Variants in DMD observed in about 807,000 individuals in gnomAD.
DMD encodes the protein mutant dystrophin.
In DMD, 63 loss-of-function variants were observed where a neutral mutation model predicts 330.1. The observed-to-expected ratio is 0.19, with a 90% CI of 0.16 to 0.24. The LOEUF (loss-of-function observed/expected upper bound fraction) is 0.24. Among genes scored for constraint, DMD ranks in the 10% least tolerant of loss-of-function variants. The probability of loss-of-function intolerance (pLI) is 1.00; values close to 1 mark genes in which losing one functional copy is unlikely to be tolerated. For missense variants in DMD, 3,344 were observed against 2,684.1 expected, an observed-to-expected ratio of 1.25 and a Z score of -5.43; for synonymous variants, 1,223 against 959.8, an observed-to-expected ratio of 1.27 and a Z score of -5.07.
At chrX:32,943,925 G>C (rs2090607678) in intron 2 of DMD, among the ~76,000 whole-genome samples, 1 of 111,562 alleles carries the variant, frequency 9.0e-6, no homozygotes, top group African/African-American at 3.3e-5. Flanking sequence ...TACATGCATA[G>C]ATTGTGTAGT....
At chrX:32,452,078 T>C (rs1481191754) in intron 26 of DMD, among the ~76,000 whole-genome samples, 2 of 108,593 alleles carry the variant, frequency 1.8e-5, no homozygotes, top group Non-Finnish European at 3.8e-5. Context: ...GTTGGTGACA[T>C]AGGCAAATCG....
intron 7 of DMD, among the ~76,000 whole-genome samples, chrX:32,711,331 C>A (rs958493383): frequency 7.2e-5 from 8 of 110,932 alleles, no homozygotes. Context: ...TGACCAGAAA[C>A]CCAGGGGCTT....
chrX:33,200,921 T>C (rs1182657768), intron 1 of DMD, among the ~76,000 whole-genome samples: 1 of 76,045 alleles, frequency 1.3e-5, no homozygotes, highest in Admixed American at 1.9e-4. Context: ...TGATAATCAA[T>C]AGACTTTTTT....
intron 2 of DMD, among the ~76,000 whole-genome samples, chrX:32,995,482 G>T (rs12861141): frequency 0.027 from 3,009 of 111,889 alleles, 73 homozygotes; most frequent in East Asian, 0.18. Context: ...TATCATGCCT[G>T]TCACCTTATT....
intron 60 of DMD, among the ~76,000 whole-genome samples, chrX:31,397,945 C>T (rs866704159): frequency 6.2e-5 from 7 of 112,240 alleles, no homozygotes; most frequent in East Asian, 5.6e-4. Context: ...AACAAAGTAA[C>T]GGGTAAACAC....
intron 7 of DMD, among the ~76,000 whole-genome samples, chrX:32,713,838 C>T (rs184358888): frequency 9.0e-6 from 1 of 111,513 alleles, no homozygotes; most frequent in Non-Finnish European, 1.9e-5. Context: ...ACCCATTGTC[C>T]ATAGAAAATA....
intron 51 of DMD, among the ~76,000 whole-genome samples, chrX:31,746,060 CA>C (rs2087807459): frequency 8.9e-6 from 1 of 112,123 alleles, no homozygotes; most frequent in Non-Finnish European, 1.9e-5. Context: ...CTCATCTGTT[CA>C]AAAATAAAAG....
intron 5 of DMD, among the ~76,000 whole-genome samples, chrX:32,819,865 AAG>A (rs1237563927): frequency 8.5e-4 from 92 of 108,769 alleles, no homozygotes; most frequent in African/African-American, 3.2e-3. Flanking sequence ...AAAAAAAAAA[AAG>A]AAAAACACAT....
intron 63 of DMD, among the ~76,000 whole-genome samples, chrX:31,224,246 A>T: frequency 8.9e-6 from 1 of 112,199 alleles, no homozygotes; most frequent in Non-Finnish European, 1.9e-5. Flanking sequence ...AAACAAAAGA[A>T]TGAAAGAAAG....
At chrX:32,303,306 C>T (rs2097529732) in intron 42 of DMD, among the ~76,000 whole-genome samples, 1 of 111,083 alleles carries the variant, frequency 9.0e-6, no homozygotes, top group African/African-American at 3.3e-5. Flanking sequence ...CCATCACTCA[C>T]TAATTCAACA....
intron 50 of DMD, among the ~76,000 whole-genome samples, chrX:31,812,862 C>T (rs2092505009): frequency 8.9e-6 from 1 of 112,031 alleles, no homozygotes; most frequent in Non-Finnish European, 1.9e-5. Context: ...TGCAACATAA[C>T]TTACTCAAAA....
intron 2 of DMD, 148 bp from the exon 3 acceptor site, chrX:32,849,968 A>C: frequency 3.9e-6 from 2 of 509,117 alleles, no homozygotes; most frequent in Non-Finnish European, 6.5e-6. Context: ...GAAAAAAGGA[A>C]AGTTCAAATG....
rs201871374 is a variant in DMD, at chrX:31,410,922, T to TG, written c.9084+33558_9084+33559insC. 1.2e-3 allele frequency among the ~76,000 whole-genome samples: 86 copies of TG among 72,304 alleles called. No individual in the cohort carries two copies. In the East Asian group the frequency reaches 0.012, roughly 10 times the overall value. 62.8% of individuals were successfully genotyped at this position (72,304 alleles called of 115,157 possible). ...CCTGGCTAATTTTTCTGTGTGTGTGTTTTTTTTTTTTTTTTTTTTTTTCAG... is the reference window on the plus strand; with the variant it reads ...CCTGGCTAATTTTTCTGTGTGTGTGTGTTTTTTTTTTTTTTTTTTTTTTCAG... On this transcript the variant is annotated intron_variant, in intron 60 of 78. Coordinates refer to ENST00000357033, the MANE Select transcript of DMD (RefSeq NM_004006.3).
chrX:32,827,532 G>C (rs946755700), intron 4 of DMD, among the ~76,000 whole-genome samples: 2 of 111,144 alleles, frequency 1.8e-5, no homozygotes, highest in African/African-American at 6.6e-5. Flanking sequence ...TCATCGCCCA[G>C]GTAATAAGTA....
chrX:31,502,208 G>A (rs1463736986), intron 56 of DMD, among the ~76,000 whole-genome samples: 1 of 111,469 alleles, frequency 9.0e-6, no homozygotes, highest in Non-Finnish European at 1.9e-5. Flanking sequence ...GTCATCAACA[G>A]ATGAATAATT....
At chrX:32,964,255 C>CAAAAAAAAAAAAAAAAAAAAAAAAA (rs781702491) in intron 2 of DMD, among the ~76,000 whole-genome samples, 7 of 35,182 alleles carry the variant, frequency 2.0e-4, no homozygotes, top group African/African-American at 6.8e-4. Context: ...GACTCCATCT[C>CAAAAAAAAAAAAAAAAAAAAAAAAA]AAAAAAAAAA....
At position 32,023,294 on chromosome X, in the gene DMD, G is replaced by A. The variant is rs1415230611; in HGVS notation, c.6439-54780C>T. 2.7e-5 allele frequency among the ~76,000 whole-genome samples: 3 copies of A among 111,132 alleles called. No homozygotes were observed. The Admixed American group carries it at 2.9e-4, about 11-fold the overall frequency. ...TGCCTGTCCTACTGCAGGTATCTAA[G>A]ACCTGGGGGGTATTATCATCTTAGT... On this transcript the variant is annotated intron_variant, in intron 44 of 78. Transcript: ENST00000357033.
chrX:32,182,863 A>G (rs1365249100), intron 44 of DMD, among the ~76,000 whole-genome samples: 1 of 111,545 alleles, frequency 9.0e-6, no homozygotes, highest in Non-Finnish European at 1.9e-5. Flanking sequence ...ATCTTTTGCT[A>G]TGGTCTGTCA....
At chrX:31,670,237 A>G (rs1349156490) in intron 53 of DMD, among the ~76,000 whole-genome samples, 3 of 111,783 alleles carry the variant, frequency 2.7e-5, no homozygotes, top group Non-Finnish European at 5.6e-5. Context: ...GTTGTCTGCA[A>G]GTAGAGATAA....
Sources: allele counts gnomAD v4.1 joint callset (sites outside exome capture counted in the v4.1 genomes callset), GRCh38; gene constraint gnomAD v4.1.1; transcripts MANE v1.5; gene names NCBI Gene and HGNC (gene_info 2026-07-23, HGNC 2026-07-21).